NRXN2: variants seen among roughly 807,000 people sequenced by gnomAD.
The protein encoded by NRXN2 is neurexin 2.
NRXN2 carries 29 observed loss-of-function variants against 128.8 expected under a neutral mutation model. The observed-to-expected ratio is 0.23, with a 90% CI of 0.17 to 0.31. The LOEUF (loss-of-function observed/expected upper bound fraction) is 0.31, where lower values mean the gene tolerates loss of function less well. Ranked by LOEUF, NRXN2 falls within the 10% of genes least tolerant of loss-of-function variation. The probability of loss-of-function intolerance (pLI) is 1.00; values close to 1 mark genes in which losing one functional copy is unlikely to be tolerated. For synonymous variants in NRXN2, 1,098 were observed against 1,075.2 expected, an observed-to-expected ratio of 1.02 and a Z score of -0.41; for missense variants, 1,881 against 2,452.6, an observed-to-expected ratio of 0.77 and a Z score of 4.92.
At chr11:64,689,410 T>G (rs943044656) in intron 5 of NRXN2, among the ~76,000 whole-genome samples, 1 of 152,150 alleles carries the variant, frequency 6.6e-6, no homozygotes, top group African/African-American at 2.4e-5. Context: ...GTCTGCACTT[T>G]TCATGTACTT....
intron 3 of NRXN2, among the ~76,000 whole-genome samples, chr11:64,694,111 T>C (rs1227851214): frequency 1.3e-5 from 2 of 152,162 alleles, no homozygotes; most frequent in Non-Finnish European, 2.9e-5. Context: ...CTAGAGAGGC[T>C]GGCAGCACCA....
Position 64,685,673 on chromosome 11 carries a change from G to A in NRXN2, c.1125C>T (p.Asp375=), listed in dbSNP as rs377411270. 8 of 1,614,174 alleles carry A rather than the reference G, an allele frequency of 5.0e-6. No homozygotes were observed. Among genetic ancestry groups the A allele is most frequent in the East Asian group, 2.2e-5 (1 of 44,878 alleles). ...GGCGCAGGTTTCGGGTGACCCGGAC[G>A]TCGTGCCAGGCGTTGTCGTTGAACT... ...NGKFNDNAWH[D]VRVTRNLRQH... is the part of the protein sequence containing the mutation. The change falls in exon 6 of 23, where the codon GAC becomes GAT. Residue 375 remains aspartate (D), a synonymous_variant. Coordinates refer to ENST00000265459, the MANE Select transcript of NRXN2 (RefSeq NM_015080.4).
chr11:64,631,403 G>A lies in NRXN2; in HGVS notation c.3586-830C>T, dbSNP rs1440750880. ...AGCAATCTCTGGGACCCAGGCCCAC[G>A]GGACACTCTGCAGAGGCAACCCAGG... On this transcript the variant is annotated intron_variant, in intron 18 of 22. Transcript: ENST00000265459. The surrounding 1 kb of genome is among the most constrained non-coding windows in gnomAD (Gnocchi z 4.8). Among the ~76,000 whole-genome samples, 2 of 152,114 alleles carry A rather than the reference G, an allele frequency of 1.3e-5. No individual in the cohort carries two copies. Among genetic ancestry groups the A allele is most frequent in the African/African-American group, 4.8e-5 (2 of 41,406 alleles).
At position 64,648,422 on chromosome 11, in the gene NRXN2, CAG is replaced by C. The variant is rs1360609384; in HGVS notation, c.3284-86_3284-85del. On this transcript the variant is annotated intron_variant, in intron 16 of 22. Transcript: ENST00000265459. The surrounding 1 kb of genome is among the most constrained non-coding windows in gnomAD (Gnocchi z 4.1). ...GAGGTGTGGAAGCTTCAGAGCCAGG[CAG>C]AGAGGTCCTACTCTGAGCTCTGCCT... The C allele has an allele frequency of 5.6e-6, 9 of 1,602,124 alleles. No individual in the cohort carries two copies. The Admixed American group carries it at 1.3e-4, about 24-fold the overall frequency.
At chr11:64,619,970 C>A (rs1366622001) in intron 22 of NRXN2, among the ~76,000 whole-genome samples, 1 of 152,150 alleles carries the variant, frequency 6.6e-6, no homozygotes, top group Non-Finnish European at 1.5e-5. Context: ...TGTTCACCCT[C>A]CCCCACCCCA....
At chr11:64,690,370 G>T (rs1356977527) in intron 5 of NRXN2, 35 bp downstream of exon 5, 2 of 1,591,102 alleles carry the variant, frequency 1.3e-6, no homozygotes, top group Non-Finnish European at 1.7e-6. Flanking sequence ...GCAGGATGAG[G>T]GCTGGGCTCT....
intron 21 of NRXN2, among the ~76,000 whole-genome samples, chr11:64,620,579 C>T (rs1434706013): frequency 2.0e-5 from 3 of 151,820 alleles, no homozygotes; most frequent in African/African-American, 7.3e-5. Flanking sequence ...CAGCAACAGC[C>T]CTGCAGGTTT....
intron 3 of NRXN2, among the ~76,000 whole-genome samples, chr11:64,693,846 C>T (rs1484509523): frequency 2.0e-5 from 3 of 152,190 alleles, no homozygotes; most frequent in African/African-American, 7.2e-5. Flanking sequence ...GGTCCAAGTA[C>T]ATCATTCATA....
chr11:64,634,743 C>A (rs549054888), intron 18 of NRXN2, among the ~76,000 whole-genome samples: 2 of 152,102 alleles, frequency 1.3e-5, no homozygotes, highest in African/African-American at 4.8e-5. Context: ...GCAAAGGTCA[C>A]GGAAGCAGAA....
At chr11:64,649,739 G>T (rs2047201884) in intron 15 of NRXN2, among the ~76,000 whole-genome samples, 2 of 152,180 alleles carry the variant, frequency 1.3e-5, no homozygotes, top group South Asian at 4.1e-4. Context: ...GATGCCCAGG[G>T]GTTCCTATGG....
intron 22 of NRXN2, among the ~76,000 whole-genome samples, chr11:64,615,846 G>A (rs201402705): frequency 9.5e-6 from 1 of 104,774 alleles, no homozygotes; most frequent in African/African-American, 3.5e-5. Flanking sequence ...GTGTGTGTGT[G>A]TGTGTGTGTG....
intron 9 of NRXN2, among the ~76,000 whole-genome samples, chr11:64,665,866 A>G (rs1006044277): frequency 6.6e-6 from 1 of 152,200 alleles, no homozygotes; most frequent in Non-Finnish European, 1.5e-5. Context: ...AGAGTAAAGG[A>G]GAGAGAATTA....
At chr11:64,642,808 GC>G in intron 17 of NRXN2, 1 of 1,132,594 alleles carries the variant, frequency 8.8e-7, no homozygotes, top group Non-Finnish European at 1.1e-6. Context: ...GGGCATTTCG[GC>G]CCGGGGGCGA....
At chr11:64,680,036 T>A (rs1288895038) in intron 6 of NRXN2, among the ~76,000 whole-genome samples, 3 of 152,128 alleles carry the variant, frequency 2.0e-5, no homozygotes, top group African/African-American at 7.2e-5. Flanking sequence ...AGCACAAGCA[T>A]GACAACACAT....
chr11:64,630,146 C>T lies in NRXN2; in HGVS notation c.3757+256G>A, dbSNP rs2135367905. ...CCCTGGCCTTGCAACCTTCCCAGCT[C>T]AGCCCTGCACCCTCCCCCATAGGGG... is the stretch of plus-strand genomic sequence containing the variant. On this transcript the variant is annotated intron_variant, in intron 19 of 22. Coordinates refer to ENST00000265459, the MANE Select transcript of NRXN2 (RefSeq NM_015080.4). This position sits in a 1 kb window ranked among gnomAD's most constrained non-coding sequence, Gnocchi z 4.6. 6.6e-6 allele frequency among the ~76,000 whole-genome samples: 1 copy of T among 152,096 alleles called. No individual in the cohort carries two copies. Among genetic ancestry groups the T allele is most frequent in the East Asian group, 1.9e-4 (1 of 5,164 alleles).
chr11:64,623,334 G>C lies in NRXN2; in HGVS notation c.3848-256C>G. On this transcript the variant is annotated intron_variant, in intron 20 of 22. Transcript: ENST00000265459. This position sits in a 1 kb window ranked among gnomAD's most constrained non-coding sequence, Gnocchi z 4.9. ...CAGGGTACACATGGGCTGGGGAAGGGGAGCCCAGTCCCTCCTCCCCACCAT... is the reference window on the plus strand; with the variant it reads ...CAGGGTACACATGGGCTGGGGAAGGCGAGCCCAGTCCCTCCTCCCCACCAT... 1.7e-6 allele frequency: 1 copy of C among 580,010 alleles called. No individual in the cohort carries two copies. Among genetic ancestry groups the C allele is most frequent in the Non-Finnish European group, 3.0e-6 (1 of 330,510 alleles). The allele number at this position is 580,010 out of a possible 1,614,324, so 35.9% of individuals were successfully genotyped here.
intron 12 of NRXN2, among the ~76,000 whole-genome samples, chr11:64,652,992 GCA>G (rs1394853083): frequency 7.0e-6 from 1 of 142,512 alleles, no homozygotes; most frequent in Non-Finnish European, 1.5e-5. Flanking sequence ...AGGGCGCCCA[GCA>G]CACACAGTCT....
rs11231840 is a variant in NRXN2, at chr11:64,606,184, G to C, written c.*1012C>G. On this transcript the variant is annotated 3_prime_UTR_variant, in exon 23 of 23. Coordinates refer to ENST00000265459, the MANE Select transcript of NRXN2 (RefSeq NM_015080.4). ...AACTGCACAGGACCGTTGGAATTTGGAAAGTTTTTGTTTTCTTTTTCCCAC... is the reference window on the plus strand; with the variant it reads ...AACTGCACAGGACCGTTGGAATTTGCAAAGTTTTTGTTTTCTTTTTCCCAC... The C allele has an allele frequency of 0.019, 2,957 of 152,586 alleles. 244 individuals are homozygous for C. The East Asian group carries it at 0.27, about 14-fold the overall frequency. The allele number at this position is 152,586 out of a possible 1,614,324, so 9.5% of individuals were successfully genotyped here.
intron 8 of NRXN2, among the ~76,000 whole-genome samples, chr11:64,668,095 A>G (rs771907597): frequency 1.2e-4 from 19 of 152,250 alleles, no homozygotes; most frequent in Non-Finnish European, 2.2e-4. Context: ...GAGGAAACTC[A>G]GCATCAGACA....
Sources: gnomAD v4.1 joint callset for allele counts (sites outside exome capture counted in the v4.1 genomes callset) on GRCh38, gnomAD v4.1.1 for gene constraint, Gnocchi (gnomAD v3.1) non-coding constraint, MANE v1.5 for transcripts, NCBI Gene and HGNC (gene_info 2026-07-23, HGNC 2026-07-21) for gene names.